PHF24: variants seen among roughly 807,000 people sequenced by gnomAD.
The protein encoded by PHF24 is Galpha inhibitory interacting protein.
In PHF24, 25 loss-of-function variants were observed where a neutral mutation model predicts 42.6. The observed-to-expected ratio is 0.59, with a 90% CI of 0.43 to 0.82. The LOEUF is 0.82. Among genes scored for constraint, PHF24 ranks in the 40% least tolerant of loss-of-function variants. The probability of loss-of-function intolerance (pLI) is 0.00; values close to 1 mark genes in which losing one functional copy is unlikely to be tolerated. For synonymous variants in PHF24, 185 were observed against 204.8 expected (o/e 0.90, Z 0.83); for missense variants, 470 against 538.1 (o/e 0.87, Z 1.25).
the PHF24 span, among the ~76,000 whole-genome samples, chr9:34,800,437 C>T: frequency 5.3e-5 from 8 of 152,268 alleles, no homozygotes; most frequent in Non-Finnish European, 1.0e-4. Flanking sequence ...GCTACAGTAA[C>T]CAAAACAGCA....
chr9:34,751,287 C>A, the PHF24 span, among the ~76,000 whole-genome samples: 1 of 152,100 alleles, frequency 6.6e-6, no homozygotes. Context: ...ATCACTTGAA[C>A]ACAGGAGGTG....
the PHF24 span, among the ~76,000 whole-genome samples, chr9:34,778,305 A>G: frequency 6.6e-6 from 1 of 152,250 alleles, no homozygotes. Context: ...AATAGATTAA[A>G]TAATTCAATC....
chr9:34,834,556 GAGT>G, the PHF24 span: 4 of 1,549,632 alleles, frequency 2.6e-6, no homozygotes, highest in African/African-American at 5.6e-5. Context: ...CCGGGAAGAA[GAGT>G]AGTTCCCTGG....
At chr9:34,710,948 T>TC in the PHF24 span, among the ~76,000 whole-genome samples, 1 of 152,180 alleles carries the variant, frequency 6.6e-6, no homozygotes, top group East Asian at 1.9e-4. Flanking sequence ...TGATTCCCCT[T>TC]TGCTTTCCTT....
chr9:34,798,420 G>A, the PHF24 span, among the ~76,000 whole-genome samples: 1 of 152,068 alleles, frequency 6.6e-6, no homozygotes, highest in African/African-American at 2.4e-5. Flanking sequence ...CTTTGTCTGT[G>A]TGTACTCAAT....
the PHF24 span, among the ~76,000 whole-genome samples, chr9:34,809,178 A>C: frequency 6.6e-6 from 1 of 152,190 alleles, no homozygotes; most frequent in South Asian, 2.1e-4. This position sits in a 1 kb window ranked among gnomAD's most constrained non-coding sequence, Gnocchi z 4.1. Flanking sequence ...AGATGAGATG[A>C]ATTCTTTTTT....
At chr9:34,778,160 T>C in the PHF24 span, among the ~76,000 whole-genome samples, 1 of 152,194 alleles carries the variant, frequency 6.6e-6, no homozygotes, top group African/African-American at 2.4e-5. Context: ...TTCTTCTTAG[T>C]GGATAAGGTG....
At chr9:34,695,377 G>T in the PHF24 span, among the ~76,000 whole-genome samples, 1 of 152,182 alleles carries the variant, frequency 6.6e-6, no homozygotes, top group African/African-American at 2.4e-5. Context: ...CTCACTCTAT[G>T]CATCCCTTTC....
At chr9:34,959,790 C>T (rs1451368555) in intron 1 of PHF24, among the ~76,000 whole-genome samples, 1 of 152,128 alleles carries the variant, frequency 6.6e-6, no homozygotes, top group Non-Finnish European at 1.5e-5. Context: ...TCTAGGGGGA[C>T]CCTTCTGCGG....
the PHF24 span, among the ~76,000 whole-genome samples, chr9:34,913,833 G>T: frequency 6.6e-6 from 1 of 152,120 alleles, no homozygotes; most frequent in African/African-American, 2.4e-5. Context: ...CCTGGTCCAG[G>T]TGAGTCCAGG....
At chr9:34,928,576 C>T in the PHF24 span, among the ~76,000 whole-genome samples, 1 of 152,150 alleles carries the variant, frequency 6.6e-6, no homozygotes, top group African/African-American at 2.4e-5. Flanking sequence ...CTCCCTCCAT[C>T]TTTTCATGTG....
the PHF24 span, among the ~76,000 whole-genome samples, chr9:34,872,400 C>G: frequency 1.5e-5 from 2 of 133,776 alleles, no homozygotes; most frequent in African/African-American, 5.6e-5. Context: ...TATTCCCCTT[C>G]CTGTGTCCAT....
the PHF24 span, chr9:34,892,939 C>T: frequency 1.5e-6 from 1 of 685,436 alleles, no homozygotes; most frequent in Non-Finnish European, 2.7e-6. Context: ...TCGGGGAGCC[C>T]AGATCCTGAC....
the PHF24 span, among the ~76,000 whole-genome samples, chr9:34,936,682 A>G: frequency 1.6e-4 from 22 of 137,292 alleles, no homozygotes; most frequent in South Asian, 4.8e-4. Context: ...CTGCCCGGCC[A>G]CCCATCGTCT....
At chr9:34,832,602 G>A in the PHF24 span, 5 of 1,542,918 alleles carry the variant, frequency 3.2e-6, no homozygotes, top group East Asian at 1.2e-4. Flanking sequence ...AGAGAACATG[G>A]AATCCTTGTG....
intron 1 of PHF24, among the ~76,000 whole-genome samples, chr9:34,970,347 A>G (rs1040002157): frequency 6.6e-6 from 1 of 152,184 alleles, no homozygotes; most frequent in Non-Finnish European, 1.5e-5. Flanking sequence ...ATTAAAGCAG[A>G]AAATGTGGGA....
At chr9:34,956,728 G>C (rs993523958), upstream of PHF24, among the ~76,000 whole-genome samples, 3 of 152,240 alleles carry the variant, frequency 2.0e-5, no homozygotes. Flanking sequence ...TCTAAAGAAA[G>C]TTAGGGGGGG....
At chr9:34,838,992 G>A in the PHF24 span, among the ~76,000 whole-genome samples, 3 of 152,216 alleles carry the variant, frequency 2.0e-5, no homozygotes, top group Admixed American at 6.5e-5. Flanking sequence ...GATCTTTGAT[G>A]TTTCAGGCAA....
At chr9:34,839,241 T>C in the PHF24 span, among the ~76,000 whole-genome samples, 1 of 152,256 alleles carries the variant, frequency 6.6e-6, no homozygotes, top group Non-Finnish European at 1.5e-5. Context: ...ATTCTGCCTG[T>C]TCAGGGAGAT....
Sources: allele counts gnomAD v4.1 joint callset (sites outside exome capture counted in the v4.1 genomes callset), GRCh38; gene constraint gnomAD v4.1.1; non-coding constraint Gnocchi (gnomAD v3.1); transcripts MANE v1.5; gene names NCBI Gene and HGNC (gene_info 2026-07-23, HGNC 2026-07-21).